The following PAX5 variants were observed in gnomAD, a reference collection of about 807,000 sequenced individuals.
PAX5 encodes paired box 5, also known as paired box protein Pax-5.
PAX5 carries 9 observed loss-of-function variants against 43.7 expected under a neutral mutation model. The ratio of observed to expected loss-of-function variants is 0.21; its 90% CI spans 0.12 to 0.36. The LOEUF is 0.36. Ranked by LOEUF, PAX5 falls within the 10% of genes least tolerant of loss-of-function variation. The probability of loss-of-function intolerance (pLI) is 1.00; values close to 1 mark genes in which losing one functional copy is unlikely to be tolerated. For synonymous variants in PAX5, 228 were observed against 214.3 expected, an observed-to-expected ratio of 1.06 and a Z score of -0.56; for missense variants, 383 against 532.7, an observed-to-expected ratio of 0.72 and a Z score of 2.77.
chr9:36,960,960 C>T (rs1431290146), intron 6 of PAX5, among the ~76,000 whole-genome samples: 2 of 152,240 alleles, frequency 1.3e-5, no homozygotes, highest in African/African-American at 2.4e-5. Flanking sequence ...AAGCCTTCCT[C>T]TTTCTCAGCC....
intron 6 of PAX5, among the ~76,000 whole-genome samples, chr9:36,943,568 A>ACACACACG (rs1832245822): frequency 6.0e-5 from 9 of 151,176 alleles, no homozygotes; most frequent in Admixed American, 2.6e-4. Context: ...ACACACACAC[A>ACACACACG]GCTACATATT....
intron 7 of PAX5, among the ~76,000 whole-genome samples, chr9:36,909,232 C>G (rs144339015): frequency 2.6e-5 from 4 of 152,306 alleles, no homozygotes; most frequent in African/African-American, 9.6e-5. Flanking sequence ...GCAAATAGCC[C>G]TGCATCTCTG....
At chr9:36,864,893 TCGC>T (rs1422875349) in intron 8 of PAX5, among the ~76,000 whole-genome samples, 3 of 152,058 alleles carry the variant, frequency 2.0e-5, no homozygotes, top group East Asian at 3.9e-4. Flanking sequence ...GCCTGACAGC[TCGC>T]CCACCGAATT....
chr9:36,901,505 C>A (rs1828390486), intron 7 of PAX5, among the ~76,000 whole-genome samples: 1 of 152,154 alleles, frequency 6.6e-6, no homozygotes, highest in Non-Finnish European at 1.5e-5. Context: ...GCTTAGAAAC[C>A]CACGTGCATG....
At chr9:36,975,332 G>A (rs568885701) in intron 5 of PAX5, among the ~76,000 whole-genome samples, 13 of 152,274 alleles carry the variant, frequency 8.5e-5, no homozygotes, top group Non-Finnish European at 1.6e-4. Context: ...ATGGGGGCCC[G>A]GGTTCGAATT....
chr9:36,854,609 C>A (rs1216856063), intron 8 of PAX5, among the ~76,000 whole-genome samples: 1 of 152,150 alleles, frequency 6.6e-6, no homozygotes, highest in Non-Finnish European at 1.5e-5. Context: ...CTTCACTGCA[C>A]CCACGCCAAG....
rs140804520 is a variant in PAX5, at chr9:36,928,287, C to T, written c.781-4803G>A. On this transcript the variant is annotated intron_variant, in intron 6 of 9. Coordinates refer to ENST00000358127, the MANE Select transcript of PAX5 (RefSeq NM_016734.3). ...GCCATTCCAGACACTGTCCTACCTC[C>T]GCCTGGAGGGTCCCTCTCACTCCGT... is the stretch of plus-strand genomic sequence containing the variant. Among the ~76,000 whole-genome samples the T allele has an allele frequency of 3.4e-4, 52 of 152,342 alleles. No individual in the cohort carries two copies. In the East Asian group the frequency reaches 8.5e-3, roughly 25 times the overall value.
At chr9:37,017,717 G>A (rs780071288) in intron 2 of PAX5, among the ~76,000 whole-genome samples, 6 of 152,214 alleles carry the variant, frequency 3.9e-5, no homozygotes, top group Admixed American at 1.3e-4. Context: ...GCTGGCGGGC[G>A]GCAGCACGCA....
At chr9:36,906,808 T>C (rs1405413148) in intron 7 of PAX5, among the ~76,000 whole-genome samples, 1 of 152,194 alleles carries the variant, frequency 6.6e-6, no homozygotes, top group African/African-American at 2.4e-5. Flanking sequence ...AGGCAGGGCT[T>C]TTAGTGCTTT....
chr9:36,913,798 T>C (rs12346250), intron 7 of PAX5, among the ~76,000 whole-genome samples: 1 of 152,152 alleles, frequency 6.6e-6, no homozygotes, highest in African/African-American at 2.4e-5. Context: ...GGTAGAGCCC[T>C]GGGCCGGGCT....
intron 3 of PAX5, among the ~76,000 whole-genome samples, chr9:37,010,655 G>A (rs1428112013): frequency 6.6e-6 from 1 of 152,098 alleles, no homozygotes; most frequent in Non-Finnish European, 1.5e-5. Context: ...AAATTACAGT[G>A]AAAGAGAAAA....
intron 6 of PAX5, among the ~76,000 whole-genome samples, chr9:36,960,279 C>T (rs991659418): frequency 1.3e-5 from 2 of 152,190 alleles, no homozygotes; most frequent in South Asian, 2.1e-4. Flanking sequence ...TCACGAAACA[C>T]GCTCAGAGCC....
At position 36,966,512 on chromosome 9, in the gene PAX5, G is replaced by A. The variant is rs201734172; in HGVS notation, c.780+37C>T. 76 of 1,593,610 alleles carry A rather than the reference G, an allele frequency of 4.8e-5. 1 individual carries two copies. The highest frequency in any genetic ancestry group is 3.8e-4 in the South Asian group (34 of 89,372). ...AGGAACCTGGCTGGGCCGGTGTGGCGGTGGCAGGTGTGGTGGGCGTGCATC... is the reference window on the plus strand; with the variant it reads ...AGGAACCTGGCTGGGCCGGTGTGGCAGTGGCAGGTGTGGTGGGCGTGCATC... On this transcript the variant is annotated intron_variant, in intron 6 of 9. Coordinates refer to ENST00000358127, the MANE Select transcript of PAX5 (RefSeq NM_016734.3).
At position 36,947,381 on chromosome 9, in the gene PAX5, G is replaced by A. The variant is rs958607320; in HGVS notation, c.780+19168C>T. ...TTTCCTCAGTTTCCTGAAATTTTAC[G>A]TATTCATTTGTTTATTTATTTTTTA... On this transcript the variant is annotated intron_variant, in intron 6 of 9. Transcript: ENST00000358127. 1.1e-4 allele frequency among the ~76,000 whole-genome samples: 17 copies of A among 152,176 alleles called. 1 individual carries two copies. Among genetic ancestry groups the A allele is most frequent in the Middle Eastern group, 3.4e-3 (1 of 294 alleles).
At chr9:36,899,777 C>A (rs1443068259) in intron 7 of PAX5, among the ~76,000 whole-genome samples, 1 of 152,214 alleles carries the variant, frequency 6.6e-6, no homozygotes, top group Non-Finnish European at 1.5e-5. Flanking sequence ...AGCCCCCACC[C>A]CATGGCCTCC....
chr9:36,989,327 G>T (rs1451253483), intron 5 of PAX5, among the ~76,000 whole-genome samples: 1 of 152,208 alleles, frequency 6.6e-6, no homozygotes, highest in African/African-American at 2.4e-5. Context: ...GAGGCAGACT[G>T]GGATGGCCAG....
At chr9:36,994,085 C>A (rs987826192) in intron 5 of PAX5, among the ~76,000 whole-genome samples, 1 of 152,180 alleles carries the variant, frequency 6.6e-6, no homozygotes, top group Non-Finnish European at 1.5e-5. Context: ...GAAACCTGAG[C>A]CCCCACCCGT....
At chr9:36,961,100 C>A (rs938848081) in intron 6 of PAX5, among the ~76,000 whole-genome samples, 4 of 152,224 alleles carry the variant, frequency 2.6e-5, no homozygotes, top group African/African-American at 9.6e-5. Context: ...GGTACCCAGC[C>A]CTTTTTCTGC....
chr9:37,020,094 T>C (rs1486118706), intron 2 of PAX5, among the ~76,000 whole-genome samples: 1 of 120,698 alleles, frequency 8.3e-6, no homozygotes. Flanking sequence ...AAGTTGGTGT[T>C]TGGGTTTTTT....
Sources: allele counts gnomAD v4.1 joint callset (sites outside exome capture counted in the v4.1 genomes callset), GRCh38; gene constraint gnomAD v4.1.1; transcripts MANE v1.5; gene names NCBI Gene and HGNC (gene_info 2026-07-23, HGNC 2026-07-21).